ERCC6L2: variants seen among roughly 807,000 people sequenced by gnomAD.
ERCC6L2 encodes the protein DNA excision repair protein ERCC-6-like 2.
In ERCC6L2, 77 loss-of-function variants were observed where a neutral mutation model predicts 132.0. The ratio of observed to expected loss-of-function variants is 0.58; its 90% CI spans 0.49 to 0.71. The LOEUF (loss-of-function observed/expected upper bound fraction) is 0.71. Among genes scored for constraint, ERCC6L2 ranks in the 30% least tolerant of loss-of-function variants. The pLI is 0.00. For missense variants in ERCC6L2, 1,542 were observed against 1,837.6 expected, an observed-to-expected ratio of 0.84 and a Z score of 2.94; for synonymous variants, 583 against 632.4, an observed-to-expected ratio of 0.92 and a Z score of 1.17.
chr9:95,998,351 T>C (rs1447828833), intron 17 of ERCC6L2, among the ~76,000 whole-genome samples: 1 of 152,198 alleles, frequency 6.6e-6, no homozygotes, highest in Non-Finnish European at 1.5e-5. Flanking sequence ...CTGGAACCTA[T>C]GAATACATTA....
At position 95,916,433 on chromosome 9, in the gene ERCC6L2, G is replaced by A. The variant is rs771393305; in HGVS notation, c.1157G>A (p.Arg386Gln). 12 of 1,551,110 alleles carry A rather than the reference G, an allele frequency of 7.7e-6. No homozygotes were observed. The highest frequency in any genetic ancestry group is 2.5e-5 in the South Asian group (2 of 80,970). The change falls in exon 6 of 19, where the codon CGG (arginine) becomes CAG (glutamine). Residue 386 changes from arginine to glutamine, a missense_variant and splice_region_variant. Arg to Gln is a conservative substitution (Grantham distance 43). Coordinates refer to ENST00000653738, the MANE Select transcript of ERCC6L2 (RefSeq NM_020207.7). Reference protein sequence around the residue: ...IKDQLPKKEDRMVYCSLTDFQ... With the variant: ...IKDQLPKKEDQMVYCSLTDFQ... ...GATCAGTTGCCTAAGAAGGAAGACC[G>A]GGTAAGAACCGCATTTGTATATATT... is the stretch of plus-strand genomic sequence containing the variant.
chr9:96,034,037 C>T (rs193094754), intron 19 of ERCC6L2, among the ~76,000 whole-genome samples: 6 of 152,334 alleles, frequency 3.9e-5, no homozygotes, highest in South Asian at 2.1e-4. Context: ...CGCTGCTCTC[C>T]GGTCACTGGG....
At chr9:96,028,243 C>G (rs187958091) in intron 19 of ERCC6L2, among the ~76,000 whole-genome samples, 1 of 152,212 alleles carries the variant, frequency 6.6e-6, no homozygotes, top group East Asian at 1.9e-4. Flanking sequence ...TCCACTTCTC[C>G]CCTCTGTTCA....
At chr9:96,021,915 C>T (rs574435210), downstream of ERCC6L2, among the ~76,000 whole-genome samples, 1 of 152,208 alleles carries the variant, frequency 6.6e-6, no homozygotes, top group South Asian at 2.1e-4. This position sits in a 1 kb window ranked among gnomAD's most constrained non-coding sequence, Gnocchi z 4.7. Context: ...GCCGACCCGC[C>T]CAGGATGGAA....
intron 13 of ERCC6L2, 97 bp downstream of exon 13, chr9:95,956,110 C>A: frequency 1.7e-6 from 1 of 575,640 alleles, no homozygotes; most frequent in Non-Finnish European, 2.9e-6. Context: ...TTAAATCTTA[C>A]TGTATTGCGG....
At chr9:95,945,179 G>A (rs1830998577) in intron 12 of ERCC6L2, among the ~76,000 whole-genome samples, 4 of 152,068 alleles carry the variant, frequency 2.6e-5, no homozygotes, top group Admixed American at 1.3e-4. Context: ...CATTTCAGAG[G>A]CCTACCCTCA....
At chr9:95,884,412 A>G (rs183851654) in intron 2 of ERCC6L2, among the ~76,000 whole-genome samples, 1 of 152,286 alleles carries the variant, frequency 6.6e-6, no homozygotes, top group African/African-American at 2.4e-5. Context: ...AAATTTCAGA[A>G]TGTAGTAAAA....
rs73534661 is a variant in ERCC6L2 at position 95,921,089 on chromosome 9, T to C, written c.1159-86T>C. 1.3e-4 allele frequency: 178 copies of C among 1,322,028 alleles called. No homozygotes were observed. In the African/African-American group the frequency reaches 2.2e-3, roughly 16 times the overall value. 81.9% of individuals were successfully genotyped at this position (1,322,028 alleles called of 1,614,324 possible). A position where few individuals can be genotyped will look rare whatever the true frequency, so the allele number is the denominator to read the frequency against. On this transcript the variant is annotated intron_variant, in intron 6 of 18. Transcript: ENST00000653738. Reference sequence around the variant, plus strand: ...TGCGCCCGGCCAGTTTTCACTGTTATAATCTATGAAATCAGATGTAGATTA... The same window carrying C: ...TGCGCCCGGCCAGTTTTCACTGTTACAATCTATGAAATCAGATGTAGATTA...
At chr9:95,996,093 A>G (rs1042935177) in intron 17 of ERCC6L2, among the ~76,000 whole-genome samples, 1 of 152,272 alleles carries the variant, frequency 6.6e-6, no homozygotes, top group Non-Finnish European at 1.5e-5. Flanking sequence ...CCTAACAGCC[A>G]AGTTGTGAAT....
At chr9:95,965,005 G>A (rs1832087353) in intron 13 of ERCC6L2, among the ~76,000 whole-genome samples, 1 of 152,052 alleles carries the variant, frequency 6.6e-6, no homozygotes, top group African/African-American at 2.4e-5. Context: ...CAGTAACAAG[G>A]GTAAAATAGG....
intron 14 of ERCC6L2, chr9:95,968,568 A>G (rs1832270958): frequency 1.3e-5 from 2 of 152,176 alleles, no homozygotes; most frequent in Admixed American, 1.3e-4. Flanking sequence ...ACTTCATGTG[A>G]GACATTTTTA....
At chr9:95,975,719 T>C (rs148157585) in intron 16 of ERCC6L2, among the ~76,000 whole-genome samples, 2,729 of 152,172 alleles carry the variant, frequency 0.018, 88 homozygotes, top group African/African-American at 0.062. Context: ...ATGTTCAGTC[T>C]TCTTTGCCTA....
chr9:95,942,766 T>G (rs186500796), intron 12 of ERCC6L2, among the ~76,000 whole-genome samples: 1 of 152,254 alleles, frequency 6.6e-6, no homozygotes, highest in East Asian at 1.9e-4. Context: ...GAGAAAATTG[T>G]TATTAATTTT....
At chr9:96,035,606 C>T (rs1378050375) in intron 19 of ERCC6L2, among the ~76,000 whole-genome samples, 1 of 152,226 alleles carries the variant, frequency 6.6e-6, no homozygotes, top group Non-Finnish European at 1.5e-5. Flanking sequence ...ACAGAATGAC[C>T]TGCCTGCCTA....
chr9:95,942,544 G>C (rs1171560331), intron 12 of ERCC6L2, among the ~76,000 whole-genome samples: 2 of 151,342 alleles, frequency 1.3e-5, no homozygotes, highest in East Asian at 3.9e-4. Context: ...AAAAAATGAA[G>C]GTCTGAAAAA....
chr9:96,036,001 T>G (rs1172903534), intron 19 of ERCC6L2, among the ~76,000 whole-genome samples: 5 of 152,216 alleles, frequency 3.3e-5, no homozygotes, highest in African/African-American at 1.2e-4. Context: ...AACACAATTT[T>G]AAAAGACATA....
intron 12 of ERCC6L2, among the ~76,000 whole-genome samples, chr9:95,948,097 C>G (rs1431979734): frequency 6.6e-6 from 1 of 152,144 alleles, no homozygotes; most frequent in Non-Finnish European, 1.5e-5. Flanking sequence ...ATAGTGATTT[C>G]TCTGATGGAT....
intron 17 of ERCC6L2, among the ~76,000 whole-genome samples, chr9:95,988,603 G>T (rs1833183185): frequency 6.6e-6 from 1 of 152,008 alleles, no homozygotes; most frequent in African/African-American, 2.4e-5. Context: ...AACTTTTTTG[G>T]CAAATATCCT....
chr9:95,917,877 A>T (rs1829674060), intron 6 of ERCC6L2, among the ~76,000 whole-genome samples: 1 of 152,192 alleles, frequency 6.6e-6, no homozygotes, highest in Admixed American at 6.5e-5. Flanking sequence ...GACACATAAG[A>T]AATATTGAGT....
Sources: allele counts gnomAD v4.1 joint callset (sites outside exome capture counted in the v4.1 genomes callset), GRCh38; gene constraint gnomAD v4.1.1; non-coding constraint Gnocchi (gnomAD v3.1); transcripts MANE v1.5; gene names NCBI Gene and HGNC (gene_info 2026-07-23, HGNC 2026-07-21).